TTC7B: variants seen among roughly 807,000 people sequenced by gnomAD.
TTC7B encodes the protein tetratricopeptide repeat domain 7B, also known as tetratricopeptide repeat protein 7B.
Under a neutral mutation model 106.8 loss-of-function variants are expected in TTC7B, and 28 were observed. That is an observed-to-expected ratio of 0.26 (90% CI 0.19 to 0.36). TTC7B has a LOEUF of 0.36. Ranked by LOEUF, TTC7B falls within the 10% of genes least tolerant of loss-of-function variation. The pLI, the probability that TTC7B is intolerant of heterozygous loss-of-function variation, is 1.00. For synonymous variants in TTC7B, 405 were observed against 430.6 expected (o/e 0.94, Z 0.74); for missense variants, 862 against 1,076.4 (o/e 0.80, Z 2.79).
Position 90,805,898 on chromosome 14 carries a change from G to A in TTC7B, c.121+10277C>T, listed in dbSNP as rs956687561. Reference sequence around the variant, plus strand: ...TTGATCCCCCGGGGAAGGTGGGGCTGTGGCCTTTGCCTCTGGAAGGGACTG... The same window carrying A: ...TTGATCCCCCGGGGAAGGTGGGGCTATGGCCTTTGCCTCTGGAAGGGACTG... On this transcript the variant is annotated intron_variant, in intron 1 of 19. Coordinates refer to ENST00000328459, the MANE Select transcript of TTC7B (RefSeq NM_001010854.2). The surrounding 1 kb of genome is among the most constrained non-coding windows in gnomAD (Gnocchi z 4.0). Among the ~76,000 whole-genome samples, 4 of 152,224 alleles carry A rather than the reference G, an allele frequency of 2.6e-5. No individual in the cohort carries two copies. The East Asian group carries it at 7.7e-4, about 29-fold the overall frequency.
rs192777100 is a variant in TTC7B, at chr14:90,757,121, A to C, written c.446-12199T>G. 1.2e-4 allele frequency among the ~76,000 whole-genome samples: 19 copies of C among 152,216 alleles called. No individual in the cohort carries two copies. The highest frequency in any genetic ancestry group is 1.2e-3 in the Admixed American group (18 of 15,292). ...GTGGATCTCCACCAGGCATGGCCCC[A>C]CAGCGCCCCCTCACAACCCCTACTA... On this transcript the variant is annotated intron_variant, in intron 3 of 19. Transcript: ENST00000328459. The surrounding 1 kb of genome is among the most constrained non-coding windows in gnomAD (Gnocchi z 4.1).
intron 5 of TTC7B, among the ~76,000 whole-genome samples, chr14:90,713,235 C>T (rs1888517382): frequency 6.6e-6 from 1 of 152,132 alleles, no homozygotes; most frequent in Non-Finnish European, 1.5e-5. Flanking sequence ...TGTGCCTCAG[C>T]CTCCCAAGTA....
chr14:90,601,783 C>T (rs1359000206), intron 17 of TTC7B, among the ~76,000 whole-genome samples: 2 of 152,188 alleles, frequency 1.3e-5, no homozygotes, highest in Non-Finnish European at 2.9e-5. Flanking sequence ...GGGGAAGGCA[C>T]CTGACTCGCC....
rs1566775516 is a variant in TTC7B at position 90,570,498 on chromosome 14, C to G, written c.2310+7608G>C. Among the ~76,000 whole-genome samples the G allele has an allele frequency of 6.6e-6, 1 of 152,176 alleles. No homozygotes were observed. Among genetic ancestry groups the G allele is most frequent in the African/African-American group, 2.4e-5 (1 of 41,434 alleles). The stretch of plus-strand genomic sequence containing the variant: ...GGCCTCCACCAATGCACTCTCCCAC[C>G]CTTTTCCACCTCAAAACCAGGGCCC... On this transcript the variant is annotated intron_variant, in intron 19 of 19. Coordinates refer to ENST00000328459, the MANE Select transcript of TTC7B (RefSeq NM_001010854.2). The surrounding 1 kb of genome is among the most constrained non-coding windows in gnomAD (Gnocchi z 4.0).
At chr14:90,705,948 C>G (rs1232122381) in intron 5 of TTC7B, among the ~76,000 whole-genome samples, 2 of 152,136 alleles carry the variant, frequency 1.3e-5, no homozygotes, top group Non-Finnish European at 2.9e-5. Context: ...CAATACATGC[C>G]TCTGTTCTCT....
chr14:90,610,137 C>G (rs1892812536), intron 17 of TTC7B, among the ~76,000 whole-genome samples: 1 of 152,206 alleles, frequency 6.6e-6, no homozygotes, highest in South Asian at 2.1e-4. Flanking sequence ...CACTTCTGGT[C>G]CCGGGCATTT....
rs530570292 is a variant in TTC7B at position 90,581,139 on chromosome 14, G to A, written c.2108-2831C>T. Among the ~76,000 whole-genome samples the A allele has an allele frequency of 1.3e-4, 20 of 152,274 alleles. No individual in the cohort carries two copies. In the East Asian group the frequency reaches 1.4e-3, roughly 10 times the overall value. On this transcript the variant is annotated intron_variant, in intron 18 of 19. Coordinates refer to ENST00000328459, the MANE Select transcript of TTC7B (RefSeq NM_001010854.2). ...TACTTGTGCCTGCCAGTCCCTCCTCGCTAGAGATAACGGGGCCCAGGGGCT... is the reference window on the plus strand; with the variant it reads ...TACTTGTGCCTGCCAGTCCCTCCTCACTAGAGATAACGGGGCCCAGGGGCT...
intron 19 of TTC7B, among the ~76,000 whole-genome samples, chr14:90,548,816 A>C (rs1225447409): frequency 1.3e-5 from 2 of 152,170 alleles, no homozygotes; most frequent in Non-Finnish European, 2.9e-5. Flanking sequence ...ACAGCTTGCC[A>C]TGGAGAGGGT....
chr14:90,543,751 C>T (rs1268882967), intron 19 of TTC7B, among the ~76,000 whole-genome samples: 1 of 152,250 alleles, frequency 6.6e-6, no homozygotes, highest in Non-Finnish European at 1.5e-5. Flanking sequence ...TGGCCCTCTG[C>T]TCTTTCAAAT....
At chr14:90,541,735 T>C in intron 19 of TTC7B, 146 bp from the exon 20 acceptor site, 1 of 564,784 alleles carries the variant, frequency 1.8e-6, no homozygotes, top group Middle Eastern at 3.0e-4. Context: ...TCTCCAGTAT[T>C]TCCTGTGTTC....
At chr14:90,565,941 A>G (rs1890776291) in intron 19 of TTC7B, among the ~76,000 whole-genome samples, 1 of 152,208 alleles carries the variant, frequency 6.6e-6, no homozygotes, top group African/African-American at 2.4e-5. Flanking sequence ...CCAAACAATT[A>G]CAATAGTAAT....
chr14:90,605,660 AGGTATC>A, intron 17 of TTC7B: 4 of 1,289,190 alleles, frequency 3.1e-6, no homozygotes, highest in Non-Finnish European at 4.0e-6. Context: ...GGCCACACAA[AGGTATC>A]GGGTTTGGGA....
At chr14:90,586,169 C>T (rs756995375) in intron 18 of TTC7B, among the ~76,000 whole-genome samples, 1 of 152,218 alleles carries the variant, frequency 6.6e-6, no homozygotes. Flanking sequence ...CGCATGGGCT[C>T]CTTCCTGCCC....
chr14:90,598,799 C>T (rs1326833952), intron 17 of TTC7B, among the ~76,000 whole-genome samples: 1 of 152,234 alleles, frequency 6.6e-6, no homozygotes, highest in Non-Finnish European at 1.5e-5. Flanking sequence ...ACATGTGAGC[C>T]CTCTTCCACC....
At chr14:90,701,479 G>A (rs964580457) in intron 5 of TTC7B, among the ~76,000 whole-genome samples, 3 of 151,926 alleles carry the variant, frequency 2.0e-5, no homozygotes, top group Admixed American at 6.6e-5. Context: ...TCCAACAGGC[G>A]TGCACAAGGC....
intron 18 of TTC7B, among the ~76,000 whole-genome samples, chr14:90,586,023 T>C (rs1263923945): frequency 1.3e-5 from 2 of 152,236 alleles, no homozygotes; most frequent in South Asian, 4.1e-4. Context: ...TGTTATGTGG[T>C]TGTCCTAACT....
intron 16 of TTC7B, 26 bp downstream of exon 16, chr14:90,617,903 C>G: frequency 6.3e-7 from 1 of 1,589,878 alleles, no homozygotes; most frequent in South Asian, 1.1e-5. Flanking sequence ...AAAAGCCACG[C>G]AAAGCAGGCC....
chr14:90,657,307 A>G lies in TTC7B; in HGVS notation c.1237-29T>C. 1 of 1,607,524 alleles carries G rather than the reference A, an allele frequency of 6.2e-7. No homozygotes were observed. Among genetic ancestry groups the G allele is most frequent in the East Asian group, 2.2e-5 (1 of 44,836 alleles). On this transcript the variant is annotated intron_variant, in intron 10 of 19. Coordinates refer to ENST00000328459, the MANE Select transcript of TTC7B (RefSeq NM_001010854.2). This position sits in a 1 kb window ranked among gnomAD's most constrained non-coding sequence, Gnocchi z 4.2. ...GGCAAGAGAAGATTATTTCCGTGAAACTCAAAGTGTTTGACAGAACCGAAT... is the reference window on the plus strand; with the variant it reads ...GGCAAGAGAAGATTATTTCCGTGAAGCTCAAAGTGTTTGACAGAACCGAAT...
chr14:90,590,116 C>A (rs866187068), intron 18 of TTC7B, among the ~76,000 whole-genome samples: 3 of 152,132 alleles, frequency 2.0e-5, no homozygotes, highest in African/African-American at 4.8e-5. Context: ...TAAGAGGGAG[C>A]CTTTTCACTT....
Sources: gnomAD v4.1 joint callset for allele counts (sites outside exome capture counted in the v4.1 genomes callset) on GRCh38, gnomAD v4.1.1 for gene constraint, Gnocchi (gnomAD v3.1) non-coding constraint, MANE v1.5 for transcripts, NCBI Gene and HGNC (gene_info 2026-07-23, HGNC 2026-07-21) for gene names.